Variants in PDGFC observed in about 807,000 individuals in gnomAD.
PDGFC encodes the protein platelet derived growth factor C.
A neutral mutation model predicts 35.5 loss-of-function variants in PDGFC; 12 were observed. The observed-to-expected ratio is 0.34, with a 90% CI of 0.22 to 0.55. The LOEUF (loss-of-function observed/expected upper bound fraction) is 0.55, where lower values mean the gene tolerates loss of function less well. PDGFC is among the 20% of genes least tolerant of loss of function. PDGFC has a pLI of 0.91. For synonymous variants in PDGFC, 159 were observed against 148.8 expected, an observed-to-expected ratio of 1.07 and a Z score of -0.50; for missense variants, 322 against 412.4, an observed-to-expected ratio of 0.78 and a Z score of 1.90.
chr4:156,969,141 A>AGAAGCCAG (rs552260923), intron 1 of PDGFC, among the ~76,000 whole-genome samples: 1 of 152,256 alleles, frequency 6.6e-6, no homozygotes, highest in Non-Finnish European at 1.5e-5. Context: ...AATAAAAAAC[A>AGAAGCCAG]GAAGCCAGGA....
At chr4:156,808,387 T>A (rs1731830883) in intron 3 of PDGFC, among the ~76,000 whole-genome samples, 1 of 152,018 alleles carries the variant, frequency 6.6e-6, no homozygotes, top group African/African-American at 2.4e-5. Flanking sequence ...TAAAGTGGAA[T>A]TTTGCAGAGG....
chr4:156,943,122 G>A (rs1302591841), intron 1 of PDGFC, among the ~76,000 whole-genome samples: 1 of 151,958 alleles, frequency 6.6e-6, no homozygotes, highest in African/African-American at 2.4e-5. Flanking sequence ...CTATTTAAGG[G>A]TAACCCCTAC....
At chr4:156,811,366 C>T (rs745922160) in intron 2 of PDGFC, among the ~76,000 whole-genome samples, 1 of 152,030 alleles carries the variant, frequency 6.6e-6, no homozygotes, top group Non-Finnish European at 1.5e-5. Flanking sequence ...AGTGTGACTC[C>T]ACTCTTAATT....
chr4:156,854,563 G>GA (rs1377504720), intron 1 of PDGFC, among the ~76,000 whole-genome samples: 1 of 152,026 alleles, frequency 6.6e-6, no homozygotes, highest in East Asian at 1.9e-4. Flanking sequence ...CTTATGATTT[G>GA]CAGATGACTG....
At chr4:156,957,897 A>G (rs1386988698) in intron 1 of PDGFC, among the ~76,000 whole-genome samples, 1 of 151,942 alleles carries the variant, frequency 6.6e-6, no homozygotes, top group Non-Finnish European at 1.5e-5. Context: ...CTTACTGCGC[A>G]TATCTACTCA....
intron 2 of PDGFC, among the ~76,000 whole-genome samples, chr4:156,830,189 T>C (rs1728893161): frequency 6.6e-6 from 1 of 151,870 alleles, no homozygotes; most frequent in Non-Finnish European, 1.5e-5. Flanking sequence ...TATTTAAGTG[T>C]CTTAAAATAT....
intron 1 of PDGFC, among the ~76,000 whole-genome samples, chr4:156,897,936 A>G (rs1730675170): frequency 6.6e-6 from 1 of 152,184 alleles, no homozygotes; most frequent in African/African-American, 2.4e-5. Flanking sequence ...GGATGATATG[A>G]AGCTCTGTGT....
At chr4:156,948,966 G>C (rs550414177) in intron 1 of PDGFC, among the ~76,000 whole-genome samples, 1 of 151,928 alleles carries the variant, frequency 6.6e-6, no homozygotes, top group East Asian at 2.0e-4. Flanking sequence ...GGCTAGCCAA[G>C]GGACCAGTGT....
At chr4:156,831,686 T>C (rs561368056) in intron 2 of PDGFC, among the ~76,000 whole-genome samples, 2 of 151,546 alleles carry the variant, frequency 1.3e-5, no homozygotes, top group South Asian at 4.2e-4. Flanking sequence ...AAGTGATCCA[T>C]CCACCTCGGC....
At chr4:156,877,608 G>T (rs1730145707) in intron 1 of PDGFC, among the ~76,000 whole-genome samples, 1 of 152,122 alleles carries the variant, frequency 6.6e-6, no homozygotes, top group African/African-American at 2.4e-5. Flanking sequence ...AGGCACTGTG[G>T]TAGTTAAAAT....
chr4:156,939,316 C>A (rs184741929), intron 1 of PDGFC, among the ~76,000 whole-genome samples: 13 of 152,060 alleles, frequency 8.5e-5, no homozygotes, highest in Admixed American at 8.5e-4. Context: ...ATACTGACAT[C>A]ATGAACAATG....
At chr4:156,940,421 T>C (rs1731778383) in intron 1 of PDGFC, among the ~76,000 whole-genome samples, 1 of 152,130 alleles carries the variant, frequency 6.6e-6, no homozygotes, top group South Asian at 2.1e-4. Flanking sequence ...AAATGTTTAA[T>C]AATGGAGATC....
At chr4:156,794,147 T>C (rs1362850843) in intron 3 of PDGFC, among the ~76,000 whole-genome samples, 1 of 152,146 alleles carries the variant, frequency 6.6e-6, no homozygotes, top group African/African-American at 2.4e-5. Flanking sequence ...CTTTAAACCG[T>C]GTTTCTTCAG....
chr4:156,814,390 C>T (rs1021417446), intron 2 of PDGFC, among the ~76,000 whole-genome samples: 5 of 152,116 alleles, frequency 3.3e-5, no homozygotes, highest in Middle Eastern at 3.4e-3. Flanking sequence ...AAGGTGCAGA[C>T]GTTAAGGTAA....
intron 1 of PDGFC, among the ~76,000 whole-genome samples, chr4:156,939,055 T>C (rs1379046093): frequency 6.6e-6 from 1 of 152,040 alleles, no homozygotes; most frequent in Non-Finnish European, 1.5e-5. Flanking sequence ...TGTGATTCAG[T>C]ATTGTCCATG....
At chr4:156,916,124 C>A (rs921987795) in intron 1 of PDGFC, among the ~76,000 whole-genome samples, 6 of 151,994 alleles carry the variant, frequency 3.9e-5, no homozygotes, top group African/African-American at 1.4e-4. Flanking sequence ...TAATTATAAA[C>A]CTCCTTTCTC....
intron 3 of PDGFC, among the ~76,000 whole-genome samples, chr4:156,777,488 A>G (rs986864564): frequency 6.6e-6 from 1 of 152,144 alleles, no homozygotes; most frequent in Admixed American, 6.5e-5. Flanking sequence ...TAGTAAGAGA[A>G]CATTTTAACA....
At chr4:156,764,431 CAT>C (rs569214030) in intron 5 of PDGFC, among the ~76,000 whole-genome samples, 11 of 152,154 alleles carry the variant, frequency 7.2e-5, no homozygotes, top group East Asian at 1.9e-4. Context: ...CTATTTTACA[CAT>C]GAGTGAACAG....
intron 1 of PDGFC, among the ~76,000 whole-genome samples, chr4:156,964,963 A>G (rs1732431510): frequency 6.6e-6 from 1 of 152,236 alleles, no homozygotes; most frequent in Non-Finnish European, 1.5e-5. Context: ...CTTGGTCTGC[A>G]TCACATGACA....
Sources: gnomAD v4.1 joint callset for allele counts (sites outside exome capture counted in the v4.1 genomes callset) on GRCh38, gnomAD v4.1.1 for gene constraint, MANE v1.5 for transcripts, NCBI Gene and HGNC (gene_info 2026-07-23, HGNC 2026-07-21) for gene names.